The following CAMK1D variants were observed in gnomAD, a reference collection of about 807,000 sequenced individuals.
The protein encoded by CAMK1D is calcium/calmodulin dependent protein kinase ID, also known as calcium/calmodulin-dependent protein kinase type 1D.
In CAMK1D, 9 loss-of-function variants were observed where a neutral mutation model predicts 47.7. The observed-to-expected ratio is 0.19, with a 90% confidence interval of 0.11 to 0.33. The LOEUF (loss-of-function observed/expected upper bound fraction) is 0.33. CAMK1D is among the 10% of genes least tolerant of loss of function. The pLI, the probability that CAMK1D is intolerant of heterozygous loss-of-function variation, is 1.00. For missense variants in CAMK1D, 291 were observed against 488.7 expected (o/e 0.60, Z 3.81); for synonymous variants, 184 against 184.9 (o/e 0.99, Z 0.04).
At position 12,829,023 on chromosome 10, in the gene CAMK1D, T is replaced by C. The variant is rs1833363857; in HGVS notation, c.*136T>C. On this transcript the variant is annotated 3_prime_UTR_variant, in exon 11 of 11. Coordinates refer to ENST00000619168, the MANE Select transcript of CAMK1D (RefSeq NM_153498.4). ...CATAGGACTGGAAGACCGAAGTTTT[T>C]TTATGGCCATATTTTCTACTGCAAT... 1.7e-6 allele frequency: 1 copy of C among 603,430 alleles called. No homozygotes were observed. Among genetic ancestry groups the C allele is most frequent in the Non-Finnish European group, 2.9e-6 (1 of 348,556 alleles). The allele number at this position is 603,430 out of a possible 1,614,324, so 37.4% of individuals were successfully genotyped here. A position where few individuals can be genotyped will look rare whatever the true frequency, so the allele number is the denominator to read the frequency against.
chr10:12,440,739 A>C (rs891689926), intron 1 of CAMK1D, among the ~76,000 whole-genome samples: 2 of 152,242 alleles, frequency 1.3e-5, no homozygotes, highest in Non-Finnish European at 2.9e-5. Flanking sequence ...CTTGGGCAAC[A>C]CACAGGTGAT....
At position 12,522,451 on chromosome 10, in the gene CAMK1D, C is replaced by T. The variant is rs370812761; in HGVS notation, c.93-30774C>T. Among the ~76,000 whole-genome samples the T allele has an allele frequency of 6.7e-3, 978 of 146,308 alleles. 23 individuals are homozygous for T. Among genetic ancestry groups the T allele is most frequent in the East Asian group, 0.04 (200 of 5,008 alleles). ...CTTTTTAACAAAGCACATCTTGCAC[C>T]GCCCTTAATCCATTTAACCCTGAGT... On this transcript the variant is annotated intron_variant, in intron 1 of 10. Transcript: ENST00000619168.
chr10:12,547,647 C>CCCCCCCCG (rs1409042962), intron 1 of CAMK1D, among the ~76,000 whole-genome samples: 3 of 112,354 alleles, frequency 2.7e-5, no homozygotes, highest in East Asian at 4.9e-4. Flanking sequence ...ACACCCCCCC[C>CCCCCCCCG]CCAACCCTGC....
intron 3 of CAMK1D, among the ~76,000 whole-genome samples, chr10:12,687,704 T>C (rs1483972674): frequency 6.6e-6 from 1 of 152,140 alleles, no homozygotes; most frequent in Non-Finnish European, 1.5e-5. Context: ...AAGAGAGCCA[T>C]GACTGAAAGC....
At chr10:12,822,445 C>G (rs546900225) in intron 8 of CAMK1D, among the ~76,000 whole-genome samples, 1 of 152,360 alleles carries the variant, frequency 6.6e-6, no homozygotes, top group South Asian at 2.1e-4. Context: ...CATCTGGGCC[C>G]ATGTGAACCC....
chr10:12,539,737 A>T (rs1836103375), intron 1 of CAMK1D, among the ~76,000 whole-genome samples: 2 of 152,184 alleles, frequency 1.3e-5, no homozygotes, highest in Non-Finnish European at 2.9e-5. Context: ...CGCACAGGTG[A>T]TGAACAAAGG....
chr10:12,715,724 CTTT>C (rs34313574), intron 3 of CAMK1D, among the ~76,000 whole-genome samples: 3 of 128,686 alleles, frequency 2.3e-5, no homozygotes, highest in Admixed American at 7.8e-5. Context: ...TGGCATTTGC[CTTT>C]TTTTTTTTTT....
At chr10:12,462,594 A>G (rs1280651604) in intron 1 of CAMK1D, among the ~76,000 whole-genome samples, 2 of 152,220 alleles carry the variant, frequency 1.3e-5, no homozygotes, top group African/African-American at 4.8e-5. Flanking sequence ...AAGAGAGCTG[A>G]TATTTGTATA....
intron 5 of CAMK1D, among the ~76,000 whole-genome samples, chr10:12,782,986 T>TGG (rs1198625517): frequency 1.5e-5 from 2 of 133,284 alleles, no homozygotes; most frequent in East Asian, 2.7e-4. Context: ...TTTCAGTTTT[T>TGG]TTTTTTTTTG....
chr10:12,570,252 T>A (rs533587051), intron 2 of CAMK1D, among the ~76,000 whole-genome samples: 1 of 152,244 alleles, frequency 6.6e-6, no homozygotes, highest in South Asian at 2.1e-4. Context: ...TAGTTTAGAT[T>A]TGTCATCTTT....
intron 3 of CAMK1D, among the ~76,000 whole-genome samples, chr10:12,750,328 C>G (rs547370245): frequency 1.3e-5 from 2 of 152,304 alleles, no homozygotes; most frequent in Middle Eastern, 3.4e-3. Flanking sequence ...CTCACTTACC[C>G]TTTAGCAGAT....
intron 6 of CAMK1D, among the ~76,000 whole-genome samples, chr10:12,797,740 A>AT (rs1838256038): frequency 1.3e-5 from 2 of 152,142 alleles, no homozygotes; most frequent in African/African-American, 4.8e-5. Context: ...TGCCGAGTCC[A>AT]TCCTGGGGAT....
At chr10:12,370,274 G>A (rs527607658) in intron 1 of CAMK1D, among the ~76,000 whole-genome samples, 2 of 152,214 alleles carry the variant, frequency 1.3e-5, no homozygotes, top group South Asian at 2.1e-4. Context: ...ACTGCCAGTC[G>A]CACAGAAGTC....
intron 1 of CAMK1D, among the ~76,000 whole-genome samples, chr10:12,464,529 G>C (rs202013908): frequency 1.3e-5 from 2 of 152,126 alleles, no homozygotes; most frequent in African/African-American, 4.8e-5. Context: ...GAAAAGAGTG[G>C]TCAAGGCCGG....
chr10:12,716,316 G>A (rs1021085524), intron 3 of CAMK1D, among the ~76,000 whole-genome samples: 1 of 152,112 alleles, frequency 6.6e-6, no homozygotes, highest in Admixed American at 6.6e-5. Context: ...GATGCCAGTA[G>A]CATCCCCGGT....
chr10:12,745,857 GC>G (rs770890350), intron 3 of CAMK1D, among the ~76,000 whole-genome samples: 11 of 152,078 alleles, frequency 7.2e-5, no homozygotes, highest in Non-Finnish European at 1.3e-4. Context: ...ATGCGCTTCG[GC>G]CCCCCAAAGT....
Position 12,627,078 on chromosome 10 carries a change from A to AT in CAMK1D, c.225-39637dup, listed in dbSNP as rs71386106. On this transcript the variant is annotated intron_variant, in intron 2 of 10. Coordinates refer to ENST00000619168, the MANE Select transcript of CAMK1D (RefSeq NM_153498.4). ...TTGTAATGACCTCTTATGGGCTATAATTTTTTTTTTTTTTTTTTTTTGAGA... is the reference window on the plus strand; with the variant it reads ...TTGTAATGACCTCTTATGGGCTATAATTTTTTTTTTTTTTTTTTTTTTGAGA... Among the ~76,000 whole-genome samples, 559 of 104,396 alleles carry AT rather than the reference A, an allele frequency of 5.4e-3. 4 individuals carry two copies. Among genetic ancestry groups the AT allele is most frequent in the African/African-American group, 0.013 (392 of 29,694 alleles). The allele number at this position is 104,396 out of a possible 152,430, so 68.5% of individuals were successfully genotyped here. A position where few individuals can be genotyped will look rare whatever the true frequency, so the allele number is the denominator to read the frequency against.
intron 5 of CAMK1D, among the ~76,000 whole-genome samples, chr10:12,772,946 GTT>G (rs140795360): frequency 0.032 from 4,840 of 152,222 alleles, 183 homozygotes; most frequent in African/African-American, 0.089. Flanking sequence ...AGCTTGGGCT[GTT>G]TCCTCCCTTG....
chr10:12,581,340 T>C (rs571334385), intron 2 of CAMK1D, among the ~76,000 whole-genome samples: 2 of 152,364 alleles, frequency 1.3e-5, no homozygotes, highest in African/African-American at 4.8e-5. Flanking sequence ...ATTGTGCTGC[T>C]ATAAACATGC....
Sources: allele counts gnomAD v4.1 joint callset (sites outside exome capture counted in the v4.1 genomes callset), GRCh38; gene constraint gnomAD v4.1.1; transcripts MANE v1.5; gene names NCBI Gene and HGNC (gene_info 2026-07-23, HGNC 2026-07-21).